Variants in COL23A1 observed in about 807,000 individuals in gnomAD.
COL23A1 encodes the protein collagen alpha-1(XXIII) chain.
Under a neutral mutation model 99.3 loss-of-function variants are expected in COL23A1, and 97 were observed. The ratio of observed to expected loss-of-function variants is 0.98; its 90% CI spans 0.83 to 1.16. The LOEUF is 1.16. Ranked by LOEUF, COL23A1 falls within the 50% of genes most tolerant of loss-of-function variation. The probability of loss-of-function intolerance (pLI) is 0.00; values close to 1 mark genes in which losing one functional copy is unlikely to be tolerated. For synonymous variants in COL23A1, 320 were observed against 308.2 expected (o/e 1.04, Z -0.40); for missense variants, 762 against 757.4 (o/e 1.01, Z -0.07).
intron 28 of COL23A1, 106 bp downstream of exon 28, chr5:178,239,035 G>A: frequency 7.8e-7 from 1 of 1,283,762 alleles, no homozygotes; most frequent in Non-Finnish European, 1.1e-6. Flanking sequence ...AGAAGCCGCA[G>A]ACACCCAGAG....
chr5:178,477,876 G>A (rs1757117988), intron 2 of COL23A1, among the ~76,000 whole-genome samples: 1 of 152,222 alleles, frequency 6.6e-6, no homozygotes, highest in Admixed American at 6.5e-5. Flanking sequence ...AGAGCCGTAG[G>A]AGGTAGGAGT....
At chr5:178,278,126 G>T (rs373586667) in intron 5 of COL23A1, among the ~76,000 whole-genome samples, 45 of 152,346 alleles carry the variant, frequency 3.0e-4, no homozygotes, top group African/African-American at 1.1e-3. Context: ...GACCGCCACA[G>T]CGTGGCCAAA....
At chr5:178,412,077 A>G (rs1327388578) in intron 2 of COL23A1, among the ~76,000 whole-genome samples, 1 of 152,238 alleles carries the variant, frequency 6.6e-6, no homozygotes, top group African/African-American at 2.4e-5. Flanking sequence ...TGTAACTGTA[A>G]CATTGTATAT....
intron 2 of COL23A1, among the ~76,000 whole-genome samples, chr5:178,483,668 G>A (rs1304549444): frequency 1.3e-5 from 2 of 152,234 alleles, no homozygotes; most frequent in Non-Finnish European, 1.5e-5. Context: ...TAGGCATGAA[G>A]CCCTCTCCCA....
intron 2 of COL23A1, among the ~76,000 whole-genome samples, chr5:178,461,428 G>A (rs1167917387): frequency 6.6e-6 from 1 of 152,240 alleles, no homozygotes; most frequent in Non-Finnish European, 1.5e-5. Context: ...CTGGGCTCTA[G>A]CAGTCGCTGG....
chr5:178,566,707 T>G (rs1357376341), intron 1 of COL23A1, among the ~76,000 whole-genome samples: 1 of 151,966 alleles, frequency 6.6e-6, no homozygotes, highest in Non-Finnish European at 1.5e-5. Flanking sequence ...TCCCAGCTAC[T>G]TGGGAGGCTG....
chr5:178,515,712 C>T (rs1258684970), intron 2 of COL23A1, among the ~76,000 whole-genome samples: 1 of 152,184 alleles, frequency 6.6e-6, no homozygotes, highest in African/African-American at 2.4e-5. Flanking sequence ...TCTGCGGCTA[C>T]AGAGCCCTCA....
intron 2 of COL23A1, among the ~76,000 whole-genome samples, chr5:178,535,127 C>T (rs2113256101): frequency 6.6e-6 from 1 of 152,076 alleles, no homozygotes; most frequent in Non-Finnish European, 1.5e-5. Flanking sequence ...CGCCTGCTAC[C>T]ACACCCGGCT....
At chr5:178,320,848 G>A (rs1759257305) in intron 2 of COL23A1, among the ~76,000 whole-genome samples, 3 of 152,194 alleles carry the variant, frequency 2.0e-5, no homozygotes, top group African/African-American at 4.8e-5. Context: ...ACAGCTCTCC[G>A]CTGTGGGGGC....
rs1358431753 is a variant in COL23A1, at chr5:178,255,617, C to T, written c.883-591G>A. On this transcript the variant is annotated intron_variant, in intron 15 of 28. Transcript: ENST00000390654. The surrounding 1 kb of genome is among the most constrained non-coding windows in gnomAD (Gnocchi z 4.2). The stretch of plus-strand genomic sequence containing the variant: ...CCCAGGCTGCTCTTTGCTTGGGGTA[C>T]AGTGAAGGCTGGGGAGCACTTTGGT... Among the ~76,000 whole-genome samples, 1 of 152,184 alleles carries T rather than the reference C, an allele frequency of 6.6e-6. No homozygotes were observed.
At chr5:178,480,060 G>T (rs1757249267) in intron 2 of COL23A1, among the ~76,000 whole-genome samples, 1 of 151,200 alleles carries the variant, frequency 6.6e-6, no homozygotes, top group Non-Finnish European at 1.5e-5. Context: ...TAAAACGATG[G>T]TATTATAATT....
intron 2 of COL23A1, among the ~76,000 whole-genome samples, chr5:178,524,492 A>C (rs1307832965): frequency 3.9e-5 from 6 of 152,196 alleles, no homozygotes; most frequent in Non-Finnish European, 8.8e-5. Flanking sequence ...AAATCAGGGA[A>C]CTGTCACAGA....
In COL23A1 at chr5:178,307,010, C is replaced by G; in HGVS notation, c.362-91G>C. ...TGCCCCAGCCACCCACCTGTCCGCT[C>G]GCAACAGCTTTCTGGGAGTGGCCTG... On this transcript the variant is annotated intron_variant, in intron 2 of 28. Transcript: ENST00000390654. The surrounding 1 kb of genome is among the most constrained non-coding windows in gnomAD (Gnocchi z 4.2). 1 of 964,994 alleles carries G rather than the reference C, an allele frequency of 1.0e-6. No individual in the cohort carries two copies. Among genetic ancestry groups the G allele is most frequent in the South Asian group, 2.1e-5 (1 of 47,464 alleles). The allele number at this position is 964,994 out of a possible 1,614,324, so 59.8% of individuals were successfully genotyped here.
rs28694159 is a variant in COL23A1 at position 178,415,115 on chromosome 5, G to C, written c.362-108196C>G. On this transcript the variant is annotated intron_variant, in intron 2 of 28. Coordinates refer to ENST00000390654, the MANE Select transcript of COL23A1 (RefSeq NM_173465.4). This position sits in a 1 kb window ranked among gnomAD's most constrained non-coding sequence, Gnocchi z 4.6. ...CGAAACCCGGAATATGTGAGTGCTG[G>C]TTCTCTCTGCCCCAGTGAGCTGGGC... Among the ~76,000 whole-genome samples, 4,491 of 147,188 alleles carry C rather than the reference G, an allele frequency of 0.031. 188 individuals are homozygous for C. Among genetic ancestry groups the C allele is most frequent in the African/African-American group, 0.11 (4,232 of 39,822 alleles).
chr5:178,258,262 T>TATATACACACACAC, intron 12 of COL23A1, among the ~76,000 whole-genome samples: 1 of 104,066 alleles, frequency 9.6e-6, no homozygotes, highest in Admixed American at 1.0e-4. Flanking sequence ...TATATATATA[T>TATATACACACACAC]ACACATGCAA....
intron 2 of COL23A1, among the ~76,000 whole-genome samples, chr5:178,431,816 G>A (rs1329804029): frequency 6.6e-6 from 1 of 152,202 alleles, no homozygotes; most frequent in Non-Finnish European, 1.5e-5. Flanking sequence ...TTGCTACAGC[G>A]TCCACAAGAA....
chr5:178,537,662 C>T (rs1321953997), intron 2 of COL23A1, among the ~76,000 whole-genome samples: 1 of 152,216 alleles, frequency 6.6e-6, no homozygotes, highest in Admixed American at 6.5e-5. Flanking sequence ...GGGCAGCATC[C>T]AGCCACAGGG....
At chr5:178,481,367 G>A (rs570447865) in intron 2 of COL23A1, among the ~76,000 whole-genome samples, 5 of 152,172 alleles carry the variant, frequency 3.3e-5, no homozygotes, top group African/African-American at 1.2e-4. Flanking sequence ...AGAAAAAACA[G>A]ATAAGCTGAA....
chr5:178,467,072 C>T (rs1402769851), intron 2 of COL23A1, among the ~76,000 whole-genome samples: 5 of 152,166 alleles, frequency 3.3e-5, no homozygotes, highest in East Asian at 1.9e-4. Context: ...GCTGTTACGA[C>T]GAGGTTAAGT....
Sources: allele counts gnomAD v4.1 joint callset (sites outside exome capture counted in the v4.1 genomes callset), GRCh38; gene constraint gnomAD v4.1.1; non-coding constraint Gnocchi (gnomAD v3.1); transcripts MANE v1.5; gene names NCBI Gene and HGNC (gene_info 2026-07-23, HGNC 2026-07-21).